ZNF841: variants seen among roughly 807,000 people sequenced by gnomAD.
ZNF841 encodes TCONS_00006091.
Under a neutral mutation model 13.0 loss-of-function variants are expected in ZNF841, and 11 were observed. The observed-to-expected ratio is 0.85, with a 90% CI of 0.53 to 1.40. The LOEUF (loss-of-function observed/expected upper bound fraction) is 1.40. Among genes scored for constraint, ZNF841 ranks in the 40% most tolerant of loss-of-function variants. The probability of loss-of-function intolerance (pLI) is 0.00; values close to 1 mark genes in which losing one functional copy is unlikely to be tolerated. For synonymous variants in ZNF841, 369 were observed against 381.6 expected (o/e 0.97, Z 0.38); for missense variants, 1,068 against 1,139.5 (o/e 0.94, Z 0.90).
chr19:52,066,478 T>TTGAA lies in ZNF841; in HGVS notation c.1400_1403dup (p.Gln468HisfsTer22). On this transcript the variant is annotated frameshift_variant, in exon 7 of 7. Transcript: ENST00000594440. LOFTEE classifies it low-confidence loss of function (END_TRUNC). ...TCCGGTGCCCTGCAAGACGTGAACG[T>TTGAA]TGAAAGAAGACCTTGCCACATTCAT... The TTGAA allele has an allele frequency of 6.2e-7, 1 of 1,613,614 alleles. No individual in the cohort carries two copies.
chr19:52,078,433 A>T (rs1032614361), intron 4 of ZNF841, among the ~76,000 whole-genome samples: 2 of 152,184 alleles, frequency 1.3e-5, no homozygotes, highest in Non-Finnish European at 2.9e-5. Flanking sequence ...AATATGTAAA[A>T]AAGTTTTTAT....
intron 4 of ZNF841, among the ~76,000 whole-genome samples, chr19:52,080,457 A>C (rs2088061219): frequency 6.6e-6 from 1 of 152,240 alleles, no homozygotes; most frequent in Non-Finnish European, 1.5e-5. Context: ...ACAGAAAAGA[A>C]ACCCACAACT....
At chr19:52,059,033 G>A in the ZNF841 span, 2 of 153,408 alleles carry the variant, frequency 1.3e-5, no homozygotes, top group Non-Finnish European at 1.5e-5. Context: ...AATCAAGGTG[G>A]TATTTTCAGA....
Position 52,066,877 on chromosome 19 carries a change from G to C in ZNF841, c.1005C>G (p.His335Gln), listed in dbSNP as rs754261577. ...GTTTGTCTCCAGTGTGACTTCTCCG[G>C]TGATTTACAAGATCTGAATTTTGTC... is the stretch of plus-strand genomic sequence containing the variant. ...IFRQNSDLVN[H>Q]RRSHTGDKPY... is the part of the protein sequence containing the mutation. The change falls in exon 7 of 7, where the codon CAC (histidine) becomes CAG (glutamine). Residue 335 changes from histidine (H) to glutamine (Q), a missense_variant. His to Gln is a conservative substitution (Grantham distance 24). Transcript: ENST00000594440. 1 of 1,614,158 alleles carries C rather than the reference G, an allele frequency of 6.2e-7. No individual in the cohort carries two copies. The highest frequency in any genetic ancestry group is 1.1e-5 in the South Asian group (1 of 91,084).
At chr19:52,078,700 G>GA (rs57446208) in intron 4 of ZNF841, among the ~76,000 whole-genome samples, 2,621 of 104,186 alleles carry the variant, frequency 0.025, 62 homozygotes, top group African/African-American at 0.075. Flanking sequence ...CTCCATCTCG[G>GA]AAAAAAAAAA....
At chr19:52,077,420 G>T (rs2087941845) in intron 4 of ZNF841, among the ~76,000 whole-genome samples, 1 of 152,182 alleles carries the variant, frequency 6.6e-6, no homozygotes, top group African/African-American at 2.4e-5. Flanking sequence ...CTTCAGAGAT[G>T]ACAATGTTCT....
intron 2 of ZNF841, among the ~76,000 whole-genome samples, chr19:52,092,075 C>A (rs927708235): frequency 6.8e-6 from 1 of 147,176 alleles, no homozygotes. Context: ...TCGGAAGGCA[C>A]ACATTGCAGT....
rs779297103 is a variant in ZNF841 at position 52,065,859 on chromosome 19, G to A, written c.2023C>T (p.His675Tyr). ...CAGTGGTAAGGGTTCTCTCCAGTATGAATTACCAGATGTTTAGTGAGGCTT... is the reference window on the plus strand; with the variant it reads ...CAGTGGTAAGGGTTCTCTCCAGTATAAATTACCAGATGTTTAGTGAGGCTT... ...RSSLTKHLVI[H>Y]TGENPYHCNE... The change falls in exon 7 of 7, where the codon CAT (histidine) becomes TAT (tyrosine). Residue 675 changes from histidine to tyrosine, a missense_variant. By Grantham distance (83) the His-to-Tyr change is moderately conservative. Coordinates refer to ENST00000594440, the MANE Select transcript of ZNF841 (RefSeq NM_001136499.2). 1.2e-6 allele frequency: 2 copies of A among 1,614,034 alleles called. No homozygotes were observed. The highest frequency in any genetic ancestry group is 1.7e-6 in the Non-Finnish European group (2 of 1,179,932).
chr19:52,066,542 T>A lies in ZNF841; in HGVS notation c.1340A>T (p.His447Leu), dbSNP rs1354990875. 3.1e-6 allele frequency: 5 copies of A among 1,613,682 alleles called. No homozygotes were observed. The highest frequency in any genetic ancestry group is 4.2e-6 in the Non-Finnish European group (5 of 1,179,828). The change falls in exon 7 of 7, where the codon CAC becomes CTC. Residue 447 changes from histidine to leucine, a missense_variant. Coordinates refer to ENST00000594440, the MANE Select transcript of ZNF841 (RefSeq NM_001136499.2). ...VFYQNSQLVRHQIIHTGETPY... is the reference protein window; with the variant it reads ...VFYQNSQLVRLQIIHTGETPY... ...TGTCTCTCCAGTATGAATTATCTGG[T>A]GCCTTACAAGTTGTGAATTCTGATA...
chr19:52,060,314 G>A (rs2087376242), downstream of ZNF841, among the ~76,000 whole-genome samples: 1 of 152,080 alleles, frequency 6.6e-6, no homozygotes, highest in Admixed American at 6.6e-5. Flanking sequence ...TTTACATACA[G>A]GGAAATCTTC....
the ZNF841 span, among the ~76,000 whole-genome samples, chr19:52,059,368 A>ATAT: frequency 4.4e-5 from 4 of 90,424 alleles, no homozygotes; most frequent in African/African-American, 2.2e-4. Flanking sequence ...AAAAAAAAAA[A>ATAT]AAATATATAT....
chr19:52,095,080 A>G (rs1203993588), intron 1 of ZNF841, among the ~76,000 whole-genome samples: 1 of 152,134 alleles, frequency 6.6e-6, no homozygotes, highest in African/African-American at 2.4e-5. Flanking sequence ...AAGGGGAGGA[A>G]TAGGATGCCC....
At position 52,066,525 on chromosome 19, in the gene ZNF841, C is replaced by T. The variant is rs752275004; in HGVS notation, c.1357G>A (p.Gly453Arg). The T allele has an allele frequency of 6.2e-7, 1 of 1,613,822 alleles. No homozygotes were observed. The highest frequency in any genetic ancestry group is 1.1e-5 in the South Asian group (1 of 91,056). The change falls in exon 7 of 7, where the codon GGA becomes AGA. Residue 453 changes from glycine (G) to arginine (R), a missense_variant. Gly to Arg is a moderately radical substitution (Grantham distance 125). Transcript: ENST00000594440. ...QLVRHQIIHT[G>R]ETPYKCNECG... ...TCATTACATTTGTAAGGTGTCTCTC[C>T]AGTATGAATTATCTGGTGCCTTACA...
chr19:52,065,222 A>G lies in ZNF841; in HGVS notation c.2660T>C (p.Ile887Thr), dbSNP rs2087503111. ...YKCNECGKSYISRSGLTKHQI... is the reference protein window; with the variant it reads ...YKCNECGKSYTSRSGLTKHQI... ...ATGTTTAGTGAGGCCTGAGCGACTA[A>G]TGTAAGATTTGCCACACTCATTACA... The change falls in exon 7 of 7, where the codon ATT becomes ACT. Residue 887 changes from isoleucine to threonine, a missense_variant. Coordinates refer to ENST00000594440, the MANE Select transcript of ZNF841 (RefSeq NM_001136499.2). The G allele has an allele frequency of 6.2e-7, 1 of 1,611,896 alleles. No homozygotes were observed. Among genetic ancestry groups the G allele is most frequent in the Non-Finnish European group, 8.5e-7 (1 of 1,179,148 alleles).
In ZNF841 at chr19:52,077,024, C is replaced by T. The variant is rs1042892529; in HGVS notation, c.76G>A (p.Asp26Asn). 5 of 1,613,258 alleles carry T rather than the reference C, an allele frequency of 3.1e-6. No individual in the cohort carries two copies. The African/African-American group carries it at 6.7e-5, about 22-fold the overall frequency. ...EFSQEEWKCL[D>N]PVQKALYRDV... Reference sequence around the variant, plus strand: ...CTGTACAAAGCTTTCTGAACAGGGTCCAGGCATTTCCACTCCTCCTGAGAG... The same window carrying T: ...CTGTACAAAGCTTTCTGAACAGGGTTCAGGCATTTCCACTCCTCCTGAGAG... Residue 26 changes from aspartate to asparagine, a missense_variant, in exon 5 of 7, where the codon GAC becomes AAC. Coordinates refer to ENST00000594440, the MANE Select transcript of ZNF841 (RefSeq NM_001136499.2).
chr19:52,069,219 C>G (rs570305642), intron 6 of ZNF841, among the ~76,000 whole-genome samples: 1 of 152,250 alleles, frequency 6.6e-6, no homozygotes, highest in Non-Finnish European at 1.5e-5. Context: ...ACCACAGATG[C>G]ATGCCATCAT....
rs2087569534 is a variant in ZNF841, at chr19:52,066,529, A to G, written c.1353T>C (p.His451=). ...NSQLVRHQII[H]TGETPYKCNE... ...TACATTTGTAAGGTGTCTCTCCAGTATGAATTATCTGGTGCCTTACAAGTT... is the reference window on the plus strand; with the variant it reads ...TACATTTGTAAGGTGTCTCTCCAGTGTGAATTATCTGGTGCCTTACAAGTT... Residue 451 remains histidine, a synonymous_variant, in exon 7 of 7, where the codon CAT becomes CAC. Coordinates refer to ENST00000594440, the MANE Select transcript of ZNF841 (RefSeq NM_001136499.2). The G allele has an allele frequency of 6.2e-7, 1 of 1,613,820 alleles. No individual in the cohort carries two copies. Among genetic ancestry groups the G allele is most frequent in the East Asian group, 2.2e-5 (1 of 44,832 alleles).
intron 6 of ZNF841, among the ~76,000 whole-genome samples, chr19:52,068,668 CAA>C (rs1244178282): frequency 1.6e-4 from 14 of 90,150 alleles, no homozygotes; most frequent in Admixed American, 1.2e-4. Flanking sequence ...AGAGCAGTCT[CAA>C]AAAAAAAAAA....
At chr19:52,071,689 A>T (rs2087742553) in intron 6 of ZNF841, among the ~76,000 whole-genome samples, 1 of 152,214 alleles carries the variant, frequency 6.6e-6, no homozygotes, top group Non-Finnish European at 1.5e-5. Context: ...TTGCAACGGT[A>T]ACCACAGAGA....
Sources: allele counts gnomAD v4.1 joint callset (sites outside exome capture counted in the v4.1 genomes callset), GRCh38; gene constraint gnomAD v4.1.1; transcripts MANE v1.5; gene names NCBI Gene and HGNC (gene_info 2026-07-23, HGNC 2026-07-21).